AGBL1: variants seen among roughly 807,000 people sequenced by gnomAD.
AGBL1 encodes cytosolic carboxypeptidase 4.
A neutral mutation model predicts 118.9 loss-of-function variants in AGBL1; 130 were observed. The ratio of observed to expected loss-of-function variants is 1.09; its 90% CI spans 0.95 to 1.26. AGBL1 has a LOEUF of 1.26. AGBL1 is among the 50% of genes most tolerant of loss of function. The pLI is 0.00. For synonymous variants in AGBL1, 555 were observed against 478.9 expected, an observed-to-expected ratio of 1.16 and a Z score of -2.08; for missense variants, 1,584 against 1,298.1, an observed-to-expected ratio of 1.22 and a Z score of -3.38.
intron 22 of AGBL1, among the ~76,000 whole-genome samples, chr15:86,810,634 C>G (rs2078775090): frequency 6.6e-6 from 1 of 152,122 alleles, no homozygotes; most frequent in African/African-American, 2.4e-5. Context: ...AACCCCATTT[C>G]TCAGAATTCT....
Position 86,270,068 on chromosome 15 carries a change from G to T in AGBL1, c.1987+1G>T, listed in dbSNP as rs1283683482. The T allele has an allele frequency of 6.2e-7, 1 of 1,609,524 alleles. No individual in the cohort carries two copies. Among genetic ancestry groups the T allele is most frequent in the Non-Finnish European group, 8.5e-7 (1 of 1,177,892 alleles). ...AAGCCCAACAGCCAGTTTAATTATG[G>T]TATGAACGCTTGGGGAGCAGGGGCT... On this transcript the variant is annotated splice_donor_variant, in intron 14 of 22. Transcript: ENST00000614907. LOFTEE classifies it high-confidence loss of function.
At chr15:86,666,042 T>C (rs2085638368) in intron 21 of AGBL1, among the ~76,000 whole-genome samples, 1 of 152,170 alleles carries the variant, frequency 6.6e-6, no homozygotes, top group Non-Finnish European at 1.5e-5. Context: ...CTTTTTATTC[T>C]GGGATATTCT....
intron 17 of AGBL1, among the ~76,000 whole-genome samples, chr15:86,392,839 G>GA (rs2081308947): frequency 6.6e-6 from 1 of 152,040 alleles, no homozygotes. Flanking sequence ...ATTAATTGCA[G>GA]AAAAAAATAA....
chr15:86,681,694 T>C (rs564782882), intron 22 of AGBL1, among the ~76,000 whole-genome samples: 2 of 152,200 alleles, frequency 1.3e-5, no homozygotes, highest in Non-Finnish European at 2.9e-5. Flanking sequence ...TTAAGCCCTT[T>C]TATGGTCTAG....
At chr15:86,917,521 C>T (rs907009342), downstream of AGBL1, among the ~76,000 whole-genome samples, 5 of 152,168 alleles carry the variant, frequency 3.3e-5, no homozygotes, top group African/African-American at 1.2e-4. This position sits in a 1 kb window ranked among gnomAD's most constrained non-coding sequence, Gnocchi z 4.8. Context: ...ATGCAACATG[C>T]AAGGAGACAG....
At chr15:86,677,560 G>C (rs1055912979) in intron 22 of AGBL1, among the ~76,000 whole-genome samples, 2 of 152,126 alleles carry the variant, frequency 1.3e-5, no homozygotes, top group Admixed American at 1.3e-4. Flanking sequence ...GTCTCGATTT[G>C]TATCCCTCCA....
In AGBL1 at chr15:86,606,887, G is replaced by A. The variant is rs551165061; in HGVS notation, c.2994+52350G>A. Among the ~76,000 whole-genome samples, 7 of 152,252 alleles carry A rather than the reference G, an allele frequency of 4.6e-5. No individual in the cohort carries two copies. The East Asian group carries it at 1.4e-3, about 29-fold the overall frequency. ...GTTCATTCCAATGGTTTTGACAAAT[G>A]TATAATTACATGTATCCTATGTTGT... On this transcript the variant is annotated intron_variant, in intron 21 of 22. Transcript: ENST00000614907.
At chr15:86,323,074 T>C (rs544845169) in intron 17 of AGBL1, among the ~76,000 whole-genome samples, 1 of 152,162 alleles carries the variant, frequency 6.6e-6, no homozygotes, top group Middle Eastern at 3.4e-3. Flanking sequence ...GGTTCAAAGA[T>C]GACTTCAATA....
At chr15:86,493,953 T>C (rs906760954) in intron 18 of AGBL1, among the ~76,000 whole-genome samples, 1 of 151,998 alleles carries the variant, frequency 6.6e-6, no homozygotes, top group Non-Finnish European at 1.5e-5. Context: ...TCTCCTTTCT[T>C]TTCTCATCCT....
At chr15:87,028,924 C>A (rs1300300815) in exon 25 of AGBL1, 6 of 1,448,108 alleles carry the variant, frequency 4.1e-6, no homozygotes, top group African/African-American at 2.8e-5. Flanking sequence ...TATCTGAAAC[C>A]TTCAAGATGT....
At chr15:87,012,436 G>A (rs531298116) in intron 24 of AGBL1, among the ~76,000 whole-genome samples, 17 of 152,138 alleles carry the variant, frequency 1.1e-4, no homozygotes, top group African/African-American at 2.2e-4. Flanking sequence ...TATATGGTTC[G>A]AATATATGGT....
intron 17 of AGBL1, among the ~76,000 whole-genome samples, chr15:86,380,378 G>T (rs1238828821): frequency 2.0e-5 from 3 of 150,110 alleles, no homozygotes; most frequent in Non-Finnish European, 4.4e-5. Flanking sequence ...TCTGCCTCCC[G>T]GGTTCAAGTG....
intron 18 of AGBL1, among the ~76,000 whole-genome samples, chr15:86,429,964 G>T (rs1329378824): frequency 6.6e-6 from 1 of 152,178 alleles, no homozygotes; most frequent in Non-Finnish European, 1.5e-5. Context: ...TTTTCTGGGG[G>T]ACAGCACAAT....
intron 17 of AGBL1, among the ~76,000 whole-genome samples, chr15:86,341,432 G>A (rs1184942520): frequency 6.6e-6 from 1 of 152,136 alleles, no homozygotes; most frequent in Non-Finnish European, 1.5e-5. Context: ...CTGAGTTTCT[G>A]AGCTGGTCCA....
chr15:86,467,171 C>T (rs866047767), intron 18 of AGBL1, among the ~76,000 whole-genome samples: 14 of 152,300 alleles, frequency 9.2e-5, no homozygotes, highest in Admixed American at 5.2e-4. Flanking sequence ...AGGCCCTGCC[C>T]CGAGAGGAGG....
In AGBL1 at chr15:86,270,193, C is replaced by A. The variant is rs140827042; in HGVS notation, c.1987+126C>A. On this transcript the variant is annotated intron_variant, in intron 14 of 22. Coordinates refer to ENST00000614907, the MANE Select transcript of AGBL1 (RefSeq NM_001386094.1). ...GAAGTTGGGCAGAGTTTTGGGTTGCCAGGTGCAGCAAGGCAGGCAGTGGCC... is the reference window on the plus strand; with the variant it reads ...GAAGTTGGGCAGAGTTTTGGGTTGCAAGGTGCAGCAAGGCAGGCAGTGGCC... 2.3e-3 allele frequency: 3,075 copies of A among 1,310,770 alleles called. 98 individuals carry two copies. The East Asian group carries it at 0.066, about 28-fold the overall frequency. The allele number at this position is 1,310,770 out of a possible 1,614,324, so 81.2% of individuals were successfully genotyped here.
At chr15:86,500,118 A>G (rs1196109748) in intron 18 of AGBL1, among the ~76,000 whole-genome samples, 12 of 151,864 alleles carry the variant, frequency 7.9e-5, no homozygotes, top group Admixed American at 5.3e-4. Flanking sequence ...AAATGGTGCT[A>G]TTTCCTTCTT....
chr15:86,307,064 T>G (rs1305185275), intron 17 of AGBL1, among the ~76,000 whole-genome samples: 1 of 152,184 alleles, frequency 6.6e-6, no homozygotes, highest in Non-Finnish European at 1.5e-5. Flanking sequence ...TTCTGGCTAT[T>G]AATTCTTTGT....
chr15:86,929,736 T>G (rs540151790), intron 23 of AGBL1, among the ~76,000 whole-genome samples: 1 of 152,320 alleles, frequency 6.6e-6, no homozygotes, highest in South Asian at 2.1e-4. Flanking sequence ...CCAGCGTGTT[T>G]CAGCTTTGAC....
Sources: gnomAD v4.1 joint callset for allele counts (sites outside exome capture counted in the v4.1 genomes callset) on GRCh38, gnomAD v4.1.1 for gene constraint, Gnocchi (gnomAD v3.1) non-coding constraint, MANE v1.5 for transcripts, NCBI Gene and HGNC (gene_info 2026-07-23, HGNC 2026-07-21) for gene names.